The following PTPN23 variants were observed in gnomAD, a reference collection of about 807,000 sequenced individuals.
PTPN23 encodes protein tyrosine phosphatase non-receptor type 23, also known as tyrosine-protein phosphatase non-receptor type 23.
PTPN23 carries 72 observed loss-of-function variants against 156.3 expected under a neutral mutation model. That is an observed-to-expected ratio of 0.46 (90% CI 0.38 to 0.56). The LOEUF (loss-of-function observed/expected upper bound fraction) is 0.56. Among genes scored for constraint, PTPN23 ranks in the 20% least tolerant of loss-of-function variants. The probability of loss-of-function intolerance (pLI) is 0.00; values close to 1 mark genes in which losing one functional copy is unlikely to be tolerated. For missense variants in PTPN23, 1,974 were observed against 2,171.5 expected (o/e 0.91, Z 1.81); for synonymous variants, 957 against 899.6 (o/e 1.06, Z -1.14).
intron 2 of PTPN23, among the ~76,000 whole-genome samples, chr3:47,396,557 A>G (rs755464860): frequency 1.3e-5 from 2 of 152,150 alleles, no homozygotes; most frequent in Non-Finnish European, 2.9e-5. Context: ...CCTGGGTGAT[A>G]GAGCGAGACT....
At chr3:47,398,564 GT>G (rs869164190) in intron 2 of PTPN23, among the ~76,000 whole-genome samples, 132 of 143,092 alleles carry the variant, frequency 9.2e-4, no homozygotes, top group Middle Eastern at 3.7e-3. Context: ...TAAACTTAAA[GT>G]TTTTTTTTTT....
chr3:47,410,312 C>T lies in PTPN23; in HGVS notation c.2514C>T (p.Ser838=), dbSNP rs752725658. ...AGCTGGGCCTTGTGCCCCGATCCTC[C>T]CCACAGCATGGCGTGGTGAGCAGTC... The part of the protein sequence containing the change: ...TPELGLVPRS[S]PQHGVVSSPY... The change falls in exon 20 of 25, where the codon TCC becomes TCT. Residue 838 remains serine (S), a synonymous_variant. Coordinates refer to ENST00000265562, the MANE Select transcript of PTPN23 (RefSeq NM_015466.4). 4.4e-6 allele frequency: 7 copies of T among 1,605,398 alleles called. No individual in the cohort carries two copies. The South Asian group carries it at 7.8e-5, about 18-fold the overall frequency.
In PTPN23 at chr3:47,412,182, A is replaced by G. The variant is rs149160247; in HGVS notation, c.4162A>G (p.Ile1388Val). Reference sequence around the variant, plus strand: ...GCATCAGCGGCCGCTGCACACGCCCATCATTGTGCACTGCAGGTAGAGGGT... The same window carrying G: ...GCATCAGCGGCCGCTGCACACGCCCGTCATTGTGCACTGCAGGTAGAGGGT... ...YLHQRPLHTP[I>V]IVHCSSGVGR... The change falls in exon 22 of 25, where the codon ATC becomes GTC. Residue 1388 changes from isoleucine to valine, a missense_variant. Physicochemically the swap from Ile to Val is conservative, Grantham distance 29. This residue lies in a region of PTPN23 where 484 missense variants were observed against 516.0 expected (regional missense o/e 0.94). Transcript: ENST00000265562. 1.5e-5 allele frequency: 24 copies of G among 1,613,070 alleles called. No individual in the cohort carries two copies. In the African/African-American group the frequency reaches 2.5e-4, roughly 17 times the overall value.
chr3:47,391,398 C>T (rs1345227789), intron 1 of PTPN23, among the ~76,000 whole-genome samples: 1 of 152,180 alleles, frequency 6.6e-6, no homozygotes, highest in African/African-American at 2.4e-5. Context: ...AATACCCTAA[C>T]TCTTTGCCTC....
Position 47,412,702 on chromosome 3 carries a change from T to C in PTPN23, c.4432-4T>C. The C allele has an allele frequency of 6.3e-7, 1 of 1,597,394 alleles. No individual in the cohort carries two copies. The highest frequency in any genetic ancestry group is 8.6e-7 in the Non-Finnish European group (1 of 1,169,490). On this transcript the variant is annotated splice_polypyrimidine_tract_variant and splice_region_variant and intron_variant, in intron 24 of 24. Coordinates refer to ENST00000265562, the MANE Select transcript of PTPN23 (RefSeq NM_015466.4). ...CCCTCTCCTCACTCACTCTGTCTTC[T>C]CAGAACCACCTTCCTCAGGACTCCC...
Position 47,411,328 on chromosome 3 carries a change from A to ACCT in PTPN23, c.3530_3531insCCT (p.Glu1177delinsAspLeu). Reference sequence around the variant, plus strand: ...GAGAGGCTGCGGCAGTTGCAGCAGGAGCTGGAGGCCTTTCGGGGTCAGCTG... The same window carrying ACCT: ...GAGAGGCTGCGGCAGTTGCAGCAGGACCTGCTGGAGGCCTTTCGGGGTCAGCTG... On this transcript the variant is annotated protein_altering_variant, in exon 20 of 25. Transcript: ENST00000265562. The surrounding 1 kb of genome is among the most constrained non-coding windows in gnomAD (Gnocchi z 6.3). 1.9e-6 allele frequency: 3 copies of ACCT among 1,612,786 alleles called. No individual in the cohort carries two copies. The highest frequency in any genetic ancestry group is 2.5e-6 in the Non-Finnish European group (3 of 1,179,980).
At chr3:47,412,481 GC>G (rs776455422) in intron 23 of PTPN23, 32 bp from the exon 24 acceptor site, 1 of 1,611,750 alleles carries the variant, frequency 6.2e-7, no homozygotes, top group Non-Finnish European at 8.5e-7. Flanking sequence ...ACGGGCCCCT[GC>G]CCAGCTGACC....
Position 47,405,148 on chromosome 3 carries a change from A to C in PTPN23, c.364+67A>C. On this transcript the variant is annotated intron_variant, in intron 4 of 24. Coordinates refer to ENST00000265562, the MANE Select transcript of PTPN23 (RefSeq NM_015466.4). This position sits in a 1 kb window ranked among gnomAD's most constrained non-coding sequence, Gnocchi z 4.7. Reference sequence around the variant, plus strand: ...CTGCCAGCCTAGCTTTCAGCTCTTCAGATGGCCACAAAGGCAGTGGGCTGA... The same window carrying C: ...CTGCCAGCCTAGCTTTCAGCTCTTCCGATGGCCACAAAGGCAGTGGGCTGA... The C allele has an allele frequency of 6.8e-7, 1 of 1,465,582 alleles. No individual in the cohort carries two copies. The allele number at this position is 1,465,582 out of a possible 1,614,324, so 90.8% of individuals were successfully genotyped here. A position where few individuals can be genotyped will look rare whatever the true frequency, so the allele number is the denominator to read the frequency against.
In PTPN23 at chr3:47,405,230, G is replaced by T. The variant is rs903947684; in HGVS notation, c.364+149G>T. The stretch of plus-strand genomic sequence containing the variant: ...CACTGACCTCCCCACAGCCCTGCCA[G>T]CTCCTCCACTGTTTTCTGGGCTGGG... On this transcript the variant is annotated intron_variant, in intron 4 of 24. Coordinates refer to ENST00000265562, the MANE Select transcript of PTPN23 (RefSeq NM_015466.4). This position sits in a 1 kb window ranked among gnomAD's most constrained non-coding sequence, Gnocchi z 4.7. The T allele has an allele frequency of 7.0e-6, 5 of 711,208 alleles. No homozygotes were observed. The highest frequency in any genetic ancestry group is 1.2e-5 in the Non-Finnish European group (5 of 412,324). The allele number at this position is 711,208 out of a possible 1,614,324, so 44.1% of individuals were successfully genotyped here.
In PTPN23 at chr3:47,413,033, G is replaced by A. The variant is rs776451976; in HGVS notation, c.4759G>A (p.Ala1587Thr). ...ATTGCTGGCCTCCTTGACCCCAGAG[G>A]CCTTCTCCCTGGACAGCTCCCTGCG... Reference protein sequence around the residue: ...LELLASLTPEAFSLDSSLRGK... With the variant: ...LELLASLTPETFSLDSSLRGK... The change falls in exon 25 of 25, where the codon GCC becomes ACC. Residue 1587 changes from alanine to threonine, a missense_variant. By Grantham distance (58) the Ala-to-Thr change is moderately conservative. Coordinates refer to ENST00000265562, the MANE Select transcript of PTPN23 (RefSeq NM_015466.4). 10 of 1,612,952 alleles carry A rather than the reference G, an allele frequency of 6.2e-6. No homozygotes were observed. The highest frequency in any genetic ancestry group is 8.5e-6 in the Non-Finnish European group (10 of 1,179,998).
In PTPN23 at chr3:47,406,594, C is replaced by T. The variant is rs749156830; in HGVS notation, c.741C>T (p.Tyr247=). The change falls in exon 8 of 25, where the codon TAC becomes TAT. Residue 247 remains tyrosine (Y), a synonymous_variant. Coordinates refer to ENST00000265562, the MANE Select transcript of PTPN23 (RefSeq NM_015466.4). The surrounding 1 kb of genome is among the most constrained non-coding windows in gnomAD (Gnocchi z 5.8). ...AACTTGTGCAGATGAAGATCTACTA[C>T]TTCGCAGCCGTGGCTCATGTGAGGG... The part of the protein sequence containing the change: ...WKKLVQMKIY[Y]FAAVAHLHMG... 5 of 1,613,796 alleles carry T rather than the reference C, an allele frequency of 3.1e-6. No homozygotes were observed. Among genetic ancestry groups the T allele is most frequent in the African/African-American group, 2.7e-5 (2 of 74,912 alleles).
rs146579990 is a variant in PTPN23, at chr3:47,409,032, C to T, written c.1587C>T (p.Leu529=). 3.7e-6 allele frequency: 6 copies of T among 1,613,834 alleles called. No individual in the cohort carries two copies. The highest frequency in any genetic ancestry group is 5.1e-6 in the Non-Finnish European group (6 of 1,179,998). Residue 529 remains leucine (L), a synonymous_variant, in exon 16 of 25, where the codon CTC becomes CTT. Transcript: ENST00000265562. ...TGCACGTCGGCAACCTGCGCCTGCT[C>T]AGCGGGCCGCTTGACCAGGTCCGGG... ...MNLHVGNLRL[L]SGPLDQVRAA...
intron 1 of PTPN23, among the ~76,000 whole-genome samples, chr3:47,394,940 G>A (rs994982816): frequency 6.6e-6 from 1 of 152,204 alleles, no homozygotes; most frequent in African/African-American, 2.4e-5. Context: ...AGAGAAAAGA[G>A]CTTATGGACA....
At chr3:47,387,299 G>A (rs1172324422) in intron 1 of PTPN23, among the ~76,000 whole-genome samples, 1 of 151,066 alleles carries the variant, frequency 6.6e-6, no homozygotes, top group Non-Finnish European at 1.5e-5. Context: ...AGGCACGTTG[G>A]CTCATGCCTG....
intron 1 of PTPN23, among the ~76,000 whole-genome samples, chr3:47,395,116 G>A (rs1409514083): frequency 6.6e-6 from 1 of 152,160 alleles, no homozygotes; most frequent in East Asian, 1.9e-4. Context: ...CAGGCTTCCC[G>A]GTTCCCATGT....
At chr3:47,404,542 T>C (rs770392011) in intron 2 of PTPN23, 110 bp from the exon 3 acceptor site, 22 of 1,426,450 alleles carry the variant, frequency 1.5e-5, no homozygotes, top group Non-Finnish European at 2.0e-5. Context: ...TCCCTTGGTG[T>C]GTGCAGTCGG....
chr3:47,410,576 A>G lies in PTPN23; in HGVS notation c.2778A>G (p.Ala926=), dbSNP rs765730434. The G allele has an allele frequency of 1.9e-6, 3 of 1,583,198 alleles. No homozygotes were observed. Among genetic ancestry groups the G allele is most frequent in the Non-Finnish European group, 1.7e-6 (2 of 1,169,010 alleles). The change falls in exon 20 of 25, where the codon GCA becomes GCG. Residue 926 remains alanine (A), a synonymous_variant. Transcript: ENST00000265562. ...QPLPTPYTYP[A]GAKQPIPAQH... is the part of the protein sequence containing the mutation. ...TGCCCACGCCTTACACCTACCCTGCAGGGGCTAAGCAACCCATCCCGGCAC... is the reference window on the plus strand; with the variant it reads ...TGCCCACGCCTTACACCTACCCTGCGGGGGCTAAGCAACCCATCCCGGCAC...
rs775297165 is a variant in PTPN23, at chr3:47,406,050, A to G, written c.546+4A>G. 1.2e-6 allele frequency: 2 copies of G among 1,611,562 alleles called. No homozygotes were observed. Among genetic ancestry groups the G allele is most frequent in the Non-Finnish European group, 1.7e-6 (2 of 1,179,208 alleles). ...GCTCAACGTCAACCTCATGCTGGTG[A>G]GGAGGCGCCCTGGTTGGAGTGGAGT... On this transcript the variant is annotated splice_donor_region_variant and intron_variant, in intron 6 of 24. Coordinates refer to ENST00000265562, the MANE Select transcript of PTPN23 (RefSeq NM_015466.4). This position sits in a 1 kb window ranked among gnomAD's most constrained non-coding sequence, Gnocchi z 5.8.
In PTPN23 at chr3:47,408,877, G is replaced by A; in HGVS notation, c.1432G>A (p.Gly478Ser). The stretch of plus-strand genomic sequence containing the variant: ...AGAGCAGAAGTTTCAGGAGGCGGTG[G>A]GCCAGGCAGGGGCCATCTCCATCAC... ...LLEQKFQEAV[G>S]QAGAISITSK... Residue 478 changes from glycine (G) to serine (S), a missense_variant, in exon 16 of 25, where the codon GGC (glycine) becomes AGC (serine). Physicochemically the swap from Gly to Ser is moderately conservative, Grantham distance 56. This residue lies in a region of PTPN23 where 726 missense variants were observed against 929.5 expected (regional missense o/e 0.78). Coordinates refer to ENST00000265562, the MANE Select transcript of PTPN23 (RefSeq NM_015466.4). 1 of 1,614,238 alleles carries A rather than the reference G, an allele frequency of 6.2e-7. No individual in the cohort carries two copies. Among genetic ancestry groups the A allele is most frequent in the Non-Finnish European group, 8.5e-7 (1 of 1,180,044 alleles).
Sources: gnomAD v4.1 joint callset for allele counts (sites outside exome capture counted in the v4.1 genomes callset) on GRCh38, gnomAD v4.1.1 for gene constraint, gnomAD v4.1.1 regional missense constraint, Gnocchi (gnomAD v3.1) non-coding constraint, MANE v1.5 for transcripts, NCBI Gene and HGNC (gene_info 2026-07-23, HGNC 2026-07-21) for gene names.